SNTG1: variants seen among roughly 807,000 people sequenced by gnomAD.
SNTG1 encodes syntrophin gamma 1.
Under a neutral mutation model 74.7 loss-of-function variants are expected in SNTG1, and 39 were observed. The observed-to-expected ratio is 0.52, with a 90% confidence interval of 0.40 to 0.68. SNTG1 has a LOEUF of 0.68. Among genes scored for constraint, SNTG1 ranks in the 30% least tolerant of loss-of-function variants. The probability of loss-of-function intolerance (pLI) is 0.00; values close to 1 mark genes in which losing one functional copy is unlikely to be tolerated. For missense variants in SNTG1, 685 were observed against 609.5 expected, an observed-to-expected ratio of 1.12 and a Z score of -1.30; for synonymous variants, 254 against 217.1, an observed-to-expected ratio of 1.17 and a Z score of -1.49.
chr8:50,363,726 T>G (rs1391917204), intron 2 of SNTG1, among the ~76,000 whole-genome samples: 2 of 152,142 alleles, frequency 1.3e-5, no homozygotes, highest in East Asian at 3.9e-4. Flanking sequence ...TTTAAGAAGA[T>G]GCAGCCATTT....
At chr8:50,214,545 C>T (rs1212137463) in intron 2 of SNTG1, among the ~76,000 whole-genome samples, 3 of 152,036 alleles carry the variant, frequency 2.0e-5, no homozygotes, top group African/African-American at 7.2e-5. Context: ...TACAGGGACA[C>T]AAGTGTTTGA....
At chr8:50,596,118 C>T (rs1244549275) in intron 13 of SNTG1, among the ~76,000 whole-genome samples, 1 of 151,878 alleles carries the variant, frequency 6.6e-6, no homozygotes, top group Non-Finnish European at 1.5e-5. Flanking sequence ...GTAGATATCC[C>T]TATGGTCAGG....
chr8:50,613,904 A>C (rs987591421), intron 13 of SNTG1, among the ~76,000 whole-genome samples: 1 of 152,162 alleles, frequency 6.6e-6, no homozygotes, highest in Admixed American at 6.5e-5. Flanking sequence ...AAGTTGTAAA[A>C]TAAAACACTC....
intron 8 of SNTG1, among the ~76,000 whole-genome samples, chr8:50,502,049 T>G (rs2093963779): frequency 6.6e-6 from 1 of 152,300 alleles, no homozygotes; most frequent in South Asian, 2.1e-4. Flanking sequence ...GATATGATTC[T>G]TGGAGAAATT....
At chr8:50,294,806 TCTC>T (rs372982782) in intron 2 of SNTG1, among the ~76,000 whole-genome samples, 12 of 152,260 alleles carry the variant, frequency 7.9e-5, no homozygotes, top group African/African-American at 2.6e-4. Flanking sequence ...ATACTCTACT[TCTC>T]CTCTACATTT....
chr8:50,740,666 T>G (rs980052441), intron 17 of SNTG1, among the ~76,000 whole-genome samples: 5 of 152,012 alleles, frequency 3.3e-5, no homozygotes, highest in Non-Finnish European at 7.4e-5. Flanking sequence ...TATAGATTGT[T>G]CTATCATAAA....
At chr8:50,069,932 G>A (rs1821218442) in intron 1 of SNTG1, among the ~76,000 whole-genome samples, 1 of 152,012 alleles carries the variant, frequency 6.6e-6, no homozygotes, top group Non-Finnish European at 1.5e-5. Flanking sequence ...GCAGCCTGTG[G>A]GTGCTTCTGT....
chr8:50,688,860 T>C (rs975885131), intron 15 of SNTG1, among the ~76,000 whole-genome samples: 1 of 151,990 alleles, frequency 6.6e-6, no homozygotes, highest in Non-Finnish European at 1.5e-5. Context: ...TATGGCCATT[T>C]TCACGATATT....
At chr8:50,533,145 G>A (rs537339537) in intron 10 of SNTG1, among the ~76,000 whole-genome samples, 3 of 152,290 alleles carry the variant, frequency 2.0e-5, no homozygotes, top group Non-Finnish European at 2.9e-5. Context: ...TTAAGCCCCA[G>A]CCCAGATTCA....
intron 2 of SNTG1, among the ~76,000 whole-genome samples, chr8:50,225,005 C>T (rs2085255321): frequency 6.6e-6 from 1 of 151,860 alleles, no homozygotes; most frequent in Admixed American, 6.6e-5. Context: ...GAGTCTCACT[C>T]TGTTGCCCAG....
intron 2 of SNTG1, among the ~76,000 whole-genome samples, chr8:50,224,218 T>C (rs138876150): frequency 6.6e-6 from 1 of 152,192 alleles, no homozygotes; most frequent in Non-Finnish European, 1.5e-5. Context: ...AATATTACTA[T>C]GCTAAAGATA....
intron 9 of SNTG1, among the ~76,000 whole-genome samples, chr8:50,528,756 C>T (rs1366283136): frequency 6.6e-6 from 1 of 151,518 alleles, no homozygotes; most frequent in African/African-American, 2.4e-5. Context: ...AATGACCCCT[C>T]CTTCATTCCT....
At chr8:50,557,280 T>C (rs564980287) in intron 12 of SNTG1, among the ~76,000 whole-genome samples, 1 of 149,814 alleles carries the variant, frequency 6.7e-6, no homozygotes, top group Non-Finnish European at 1.5e-5. Context: ...ACTCCTGACA[T>C]ACAGAGATTA....
chr8:50,724,745 T>G (rs1585643723), intron 17 of SNTG1, among the ~76,000 whole-genome samples: 1 of 152,146 alleles, frequency 6.6e-6, no homozygotes. Context: ...GAATTTGATC[T>G]TGCTACAACT....
chr8:50,138,730 T>C (rs958456723), intron 1 of SNTG1, among the ~76,000 whole-genome samples: 1 of 151,332 alleles, frequency 6.6e-6, no homozygotes, highest in African/African-American at 2.4e-5. Context: ...TACTGGCTGG[T>C]GAGTGCCATT....
At chr8:50,395,314 G>A (rs983271478) in intron 3 of SNTG1, among the ~76,000 whole-genome samples, 1 of 151,796 alleles carries the variant, frequency 6.6e-6, no homozygotes, top group Admixed American at 6.6e-5. Context: ...ATATCTCTAT[G>A]CTAATACTCA....
At chr8:49,959,049 A>G (rs1810443884) in intron 1 of SNTG1, among the ~76,000 whole-genome samples, 1 of 152,260 alleles carries the variant, frequency 6.6e-6, no homozygotes, top group Non-Finnish European at 1.5e-5. Context: ...TCATCTAATT[A>G]GCTCTTTTGA....
At chr8:50,665,254 T>A (rs748419779) in intron 15 of SNTG1, among the ~76,000 whole-genome samples, 19 of 152,020 alleles carry the variant, frequency 1.2e-4, no homozygotes, top group Non-Finnish European at 2.1e-4. Context: ...ATCAACTAAG[T>A]AGATATGTTA....
At chr8:50,006,345 G>A (rs1011808871) in intron 1 of SNTG1, among the ~76,000 whole-genome samples, 10 of 152,098 alleles carry the variant, frequency 6.6e-5, no homozygotes, top group African/African-American at 2.4e-4. Flanking sequence ...AATTGCTGTT[G>A]AAACTTTTTT....
Sources: gnomAD v4.1 joint callset for allele counts (sites outside exome capture counted in the v4.1 genomes callset) on GRCh38, gnomAD v4.1.1 for gene constraint, MANE v1.5 for transcripts, NCBI Gene and HGNC (gene_info 2026-07-23, HGNC 2026-07-21) for gene names.